The following MBD5 variants were observed in gnomAD, a reference collection of about 807,000 sequenced individuals.
MBD5 encodes methyl-CpG-binding domain protein 5.
Under a neutral mutation model 117.3 loss-of-function variants are expected in MBD5, and 13 were observed. The ratio of observed to expected loss-of-function variants is 0.11; its 90% CI spans 0.07 to 0.18. The LOEUF (loss-of-function observed/expected upper bound fraction) is 0.18, where lower values mean the gene tolerates loss of function less well. Ranked by LOEUF, MBD5 falls within the 10% of genes least tolerant of loss-of-function variation. The probability of loss-of-function intolerance (pLI) is 1.00; values close to 1 mark genes in which losing one functional copy is unlikely to be tolerated. For synonymous variants in MBD5, 727 were observed against 766.4 expected (o/e 0.95, Z 0.85); for missense variants, 1,879 against 2,093.8 (o/e 0.90, Z 2.00).
intron 4 of MBD5, among the ~76,000 whole-genome samples, chr2:148,454,483 A>T (rs777744484): frequency 2.0e-5 from 3 of 152,216 alleles, no homozygotes; most frequent in Non-Finnish European, 2.9e-5. Context: ...GCAGAATTAT[A>T]TGTAGTATAT....
intron 1 of MBD5, among the ~76,000 whole-genome samples, chr2:148,145,275 T>C (rs1283863548): frequency 6.6e-6 from 1 of 152,214 alleles, no homozygotes; most frequent in Non-Finnish European, 1.5e-5. Context: ...ATAGGAATGC[T>C]TGTGATTTTT....
At chr2:148,294,501 G>GTTTTTTTTTTTTTTTGTTT (rs1701591412) in intron 3 of MBD5, among the ~76,000 whole-genome samples, 1 of 113,216 alleles carries the variant, frequency 8.8e-6, no homozygotes, top group African/African-American at 3.7e-5. Context: ...TGGGATTACA[G>GTTTTTTTTTTTTTTTGTTT]TTTTTTTTTT....
chr2:148,495,557 C>A (rs1176220166), intron 11 of MBD5, among the ~76,000 whole-genome samples: 1 of 152,064 alleles, frequency 6.6e-6, no homozygotes, highest in Non-Finnish European at 1.5e-5. Context: ...TAGACTGGCA[C>A]CAAAAGGTTT....
At chr2:148,336,466 A>G (rs1702791440) in intron 3 of MBD5, among the ~76,000 whole-genome samples, 1 of 152,038 alleles carries the variant, frequency 6.6e-6, no homozygotes, top group Non-Finnish European at 1.5e-5. Flanking sequence ...GGCTCGCTGC[A>G]ACCTCCACCT....
chr2:148,258,861 C>T (rs571130753), intron 3 of MBD5, among the ~76,000 whole-genome samples: 32 of 152,286 alleles, frequency 2.1e-4, no homozygotes, highest in East Asian at 3.9e-4. Context: ...TTCTTTAAGG[C>T]GCAGACCCCT....
chr2:148,233,380 C>G lies in MBD5; in HGVS notation c.-695C>G, dbSNP rs1361838400. 1 of 152,124 alleles carries G rather than the reference C, an allele frequency of 6.6e-6. No homozygotes were observed. Among genetic ancestry groups the G allele is most frequent in the Non-Finnish European group, 1.5e-5 (1 of 68,008 alleles). The allele number at this position is 152,124 out of a possible 1,614,324, so 9.4% of individuals were successfully genotyped here. On this transcript the variant is annotated 5_prime_UTR_variant, in exon 3 of 14. The change creates a premature stop within an existing upstream ORF in the 5' untranslated region. Coordinates refer to ENST00000642680, the MANE Select transcript of MBD5 (RefSeq NM_001378120.1). ...CATGGCAGATGGCAACAGAGGATGT[C>G]AACAATTTTTTGGAGGCAAGCAATG... is the stretch of plus-strand genomic sequence containing the variant.
At chr2:148,038,218 T>C (rs991783979) in intron 1 of MBD5, among the ~76,000 whole-genome samples, 1 of 152,054 alleles carries the variant, frequency 6.6e-6, no homozygotes, top group Admixed American at 6.6e-5. Context: ...GATTTCAGTG[T>C]AGTCTATATA....
chr2:148,325,066 G>A (rs536239394), intron 3 of MBD5, among the ~76,000 whole-genome samples: 47 of 152,246 alleles, frequency 3.1e-4, no homozygotes, highest in East Asian at 1.7e-3. Context: ...TTTTGTCACA[G>A]GCCTTTTCTG....
chr2:148,350,644 C>T (rs1703228060), intron 4 of MBD5, among the ~76,000 whole-genome samples: 1 of 151,988 alleles, frequency 6.6e-6, no homozygotes, highest in African/African-American at 2.4e-5. Flanking sequence ...TAAAATCAGG[C>T]TACAAATTTC....
At chr2:148,414,508 G>C (rs1439348076) in intron 4 of MBD5, among the ~76,000 whole-genome samples, 1 of 152,086 alleles carries the variant, frequency 6.6e-6, no homozygotes, top group Non-Finnish European at 1.5e-5. Context: ...TCAGGTCCCA[G>C]ATATCTTTTT....
intron 1 of MBD5, among the ~76,000 whole-genome samples, chr2:148,151,815 A>C (rs550293465): frequency 1.3e-5 from 2 of 151,554 alleles, no homozygotes; most frequent in Non-Finnish European, 2.9e-5. Flanking sequence ...TATTGCGTCT[A>C]TTTGATTCTT....
chr2:148,408,996 C>A (rs1370121848), intron 4 of MBD5, among the ~76,000 whole-genome samples: 1 of 152,094 alleles, frequency 6.6e-6, no homozygotes. Context: ...GGGACTTGAG[C>A]AGCCATGGAT....
At chr2:148,482,739 T>C (rs1452896628) in intron 8 of MBD5, among the ~76,000 whole-genome samples, 1 of 152,192 alleles carries the variant, frequency 6.6e-6, no homozygotes, top group South Asian at 2.1e-4. Context: ...TGCTTTTATC[T>C]ACCCAATTGA....
At chr2:148,042,420 G>T (rs1198105945) in intron 1 of MBD5, among the ~76,000 whole-genome samples, 1 of 151,858 alleles carries the variant, frequency 6.6e-6, no homozygotes, top group African/African-American at 2.4e-5. Context: ...TCACAGCTAT[G>T]AGTAAGCTAT....
chr2:148,489,321 T>A (rs1417304545), intron 10 of MBD5, 65 bp from the exon 11 acceptor site: 2 of 1,587,898 alleles, frequency 1.3e-6, no homozygotes, highest in Non-Finnish European at 8.6e-7. Flanking sequence ...AAAATTATAG[T>A]CTTTCTCTTT....
intron 4 of MBD5, among the ~76,000 whole-genome samples, chr2:148,397,227 A>G (rs1378744272): frequency 6.6e-6 from 1 of 152,112 alleles, no homozygotes; most frequent in Non-Finnish European, 1.5e-5. Context: ...CCACCAGCAA[A>G]CTGATCATAT....
chr2:148,286,794 T>C (rs1369619651), intron 3 of MBD5, among the ~76,000 whole-genome samples: 4 of 152,170 alleles, frequency 2.6e-5, no homozygotes, highest in African/African-American at 9.6e-5. Flanking sequence ...CAAAGACTTA[T>C]GGTAAAGGAA....
At chr2:148,081,055 G>T (rs1201008518) in intron 1 of MBD5, among the ~76,000 whole-genome samples, 1 of 152,108 alleles carries the variant, frequency 6.6e-6, no homozygotes, top group Non-Finnish European at 1.5e-5. Context: ...GATATTTCAT[G>T]TACCCAAAAG....
chr2:148,495,128 C>A (rs1681662222), intron 11 of MBD5, among the ~76,000 whole-genome samples: 1 of 152,092 alleles, frequency 6.6e-6, no homozygotes, highest in Non-Finnish European at 1.5e-5. Context: ...AGTGCATAGC[C>A]AGAACCAGAC....
Sources: gnomAD v4.1 joint callset for allele counts (sites outside exome capture counted in the v4.1 genomes callset) on GRCh38, gnomAD v4.1.1 for gene constraint, MANE v1.5 for transcripts, NCBI Gene and HGNC (gene_info 2026-07-23, HGNC 2026-07-21) for gene names.